The following ZMYND12 variants were observed in gnomAD, a reference collection of about 807,000 sequenced individuals.
ZMYND12 encodes zinc finger MYND domain-containing protein 12.
ZMYND12 carries 32 observed loss-of-function variants against 41.7 expected under a neutral mutation model. The observed-to-expected ratio is 0.77, with a 90% CI of 0.58 to 1.03. The LOEUF (loss-of-function observed/expected upper bound fraction) is 1.03, where lower values mean the gene tolerates loss of function less well. ZMYND12 is among the 50% of genes least tolerant of loss of function. The pLI is 0.00. For synonymous variants in ZMYND12, 148 were observed against 164.8 expected, an observed-to-expected ratio of 0.90 and a Z score of 0.78; for missense variants, 424 against 438.5, an observed-to-expected ratio of 0.97 and a Z score of 0.30.
At chr1:42,450,873 A>G (rs12037012) in intron 1 of ZMYND12, among the ~76,000 whole-genome samples, 51,898 of 151,996 alleles carry the variant, frequency 0.34, 9,411 homozygotes, top group East Asian at 0.59. Flanking sequence ...TTATTTCTAC[A>G]TATTTGTAAA....
intron 1 of ZMYND12, among the ~76,000 whole-genome samples, chr1:42,452,001 C>G (rs1643088019): frequency 1.3e-5 from 2 of 152,168 alleles, no homozygotes; most frequent in South Asian, 4.2e-4. Flanking sequence ...TGCTTTCAAT[C>G]AGGGCTCACA....
intron 1 of ZMYND12, among the ~76,000 whole-genome samples, chr1:42,453,812 T>C (rs1316703283): frequency 6.6e-6 from 1 of 152,218 alleles, no homozygotes; most frequent in Admixed American, 6.5e-5. Flanking sequence ...CCCGTCATCT[T>C]TTCCCCGTGT....
In ZMYND12 at chr1:42,430,652, A is replaced by T. The variant is rs1570343402; in HGVS notation, c.*84T>A. 6 of 1,564,438 alleles carry T rather than the reference A, an allele frequency of 3.8e-6. No individual in the cohort carries two copies. In the East Asian group the frequency reaches 9.0e-5, roughly 24 times the overall value. Reference sequence around the variant, plus strand: ...GGTGGAAACTTCAGCAGTCTACAGTACCTCAAAGCAGTTGTGCAAGGCTGG... The same window carrying T: ...GGTGGAAACTTCAGCAGTCTACAGTTCCTCAAAGCAGTTGTGCAAGGCTGG... On this transcript the variant is annotated 3_prime_UTR_variant, in exon 8 of 8. Transcript: ENST00000372565.
intron 4 of ZMYND12, among the ~76,000 whole-genome samples, chr1:42,437,938 A>G (rs1468652090): frequency 6.6e-6 from 1 of 152,110 alleles, no homozygotes; most frequent in African/African-American, 2.4e-5. Flanking sequence ...GGCCTCCCAG[A>G]GTGCTGGGAT....
chr1:42,443,976 C>A (rs989147920), intron 3 of ZMYND12, among the ~76,000 whole-genome samples: 1 of 152,168 alleles, frequency 6.6e-6, no homozygotes, highest in Non-Finnish European at 1.5e-5. Context: ...AATCCTCCCA[C>A]CTCAGTCTCC....
rs574554438 is a variant in ZMYND12 at position 42,430,963 on chromosome 1, C to A, written c.976-105G>T. 17 of 1,447,066 alleles carry A rather than the reference C, an allele frequency of 1.2e-5. No homozygotes were observed. In the South Asian group the frequency reaches 1.4e-4, roughly 12 times the overall value. 89.6% of individuals were successfully genotyped at this position (1,447,066 alleles called of 1,614,324 possible). A position where few individuals can be genotyped will look rare whatever the true frequency, so the allele number is the denominator to read the frequency against. ...AGAAACATGAGAGAGAACTGACCACCTTTTCACACCACCCACTGAGCTCTT... is the reference window on the plus strand; with the variant it reads ...AGAAACATGAGAGAGAACTGACCACATTTTCACACCACCCACTGAGCTCTT... On this transcript the variant is annotated intron_variant, in intron 7 of 7. Coordinates refer to ENST00000372565, the MANE Select transcript of ZMYND12 (RefSeq NM_032257.5).
chr1:42,448,245 G>A (rs1643044498), intron 3 of ZMYND12, among the ~76,000 whole-genome samples: 1 of 152,198 alleles, frequency 6.6e-6, no homozygotes, highest in Admixed American at 6.5e-5. Flanking sequence ...CCCGCACAAA[G>A]TTCCTCCTTT....
chr1:42,455,921 C>T lies in ZMYND12; in HGVS notation c.77G>A (p.Arg26Gln), dbSNP rs367661673. ...CCEVCEAPAE[R>Q]VCAACTVTYY... is the part of the protein sequence containing the mutation. The stretch of plus-strand genomic sequence containing the variant: ...AGTGACTGTGCAGGCCGCGCACACC[C>T]GCTCGGCTGGGGCTTCGCACACCTC... The change falls in exon 1 of 8, where the codon CGG (arginine) becomes CAG (glutamine). Residue 26 changes from arginine (R) to glutamine (Q), a missense_variant. Arg to Gln is a conservative substitution (Grantham distance 43). Transcript: ENST00000372565. 1.3e-5 allele frequency: 21 copies of T among 1,613,674 alleles called. No homozygotes were observed. The highest frequency in any genetic ancestry group is 2.7e-5 in the African/African-American group (2 of 74,928).
Position 42,430,747 on chromosome 1 carries a change from G to A in ZMYND12, c.1087C>T (p.Pro363Ser). The A allele has an allele frequency of 1.2e-6, 2 of 1,614,158 alleles. No individual in the cohort carries two copies. Among genetic ancestry groups the A allele is most frequent in the Non-Finnish European group, 1.7e-6 (2 of 1,180,010 alleles). ...GAGCTCATGGGTCACTAAGTAATGGGATGGTCTTCAGTTGAAATGAGACTT... is the reference window on the plus strand; with the variant it reads ...GAGCTCATGGGTCACTAAGTAATGGAATGGTCTTCAGTTGAAATGAGACTT... ...LLSLISTEDH[P>S]IT Residue 363 changes from proline (P) to serine (S), a missense_variant, in exon 8 of 8, where the codon CCC becomes TCC. Transcript: ENST00000372565.
chr1:42,445,646 C>G (rs889470772), intron 3 of ZMYND12, among the ~76,000 whole-genome samples: 1 of 151,722 alleles, frequency 6.6e-6, no homozygotes, highest in Non-Finnish European at 1.5e-5. Flanking sequence ...GAAGGCCGGT[C>G]GGTGTAACTG....
chr1:42,454,735 C>T (rs1643130678), intron 1 of ZMYND12, among the ~76,000 whole-genome samples: 1 of 148,878 alleles, frequency 6.7e-6, no homozygotes, highest in African/African-American at 2.5e-5. Flanking sequence ...CACAGTTTCA[C>T]TCTTGTTGCC....
In ZMYND12 at chr1:42,453,137, AGTTTT is replaced by A. The variant is rs1018478811; in HGVS notation, c.110+2746_110+2750del. 9.8e-5 allele frequency among the ~76,000 whole-genome samples: 15 copies of A among 152,322 alleles called. No homozygotes were observed. In the South Asian group the frequency reaches 3.1e-3, roughly 32 times the overall value. Reference sequence around the variant, plus strand: ...TCAAAACCTATAGAACAACAACCTCAGTTTTGTTTTATCAAAAAATCTTGAAATCT... The same window carrying A: ...TCAAAACCTATAGAACAACAACCTCAGTTTTATCAAAAAATCTTGAAATCT... On this transcript the variant is annotated intron_variant, in intron 1 of 7. Coordinates refer to ENST00000372565, the MANE Select transcript of ZMYND12 (RefSeq NM_032257.5).
At chr1:42,438,749 T>C (rs1236222752) in intron 4 of ZMYND12, among the ~76,000 whole-genome samples, 1 of 152,124 alleles carries the variant, frequency 6.6e-6, no homozygotes, top group Admixed American at 6.5e-5. Flanking sequence ...TAAAATTTAA[T>C]TTACGGGCAT....
At chr1:42,450,719 A>G (rs1460245286) in intron 1 of ZMYND12, among the ~76,000 whole-genome samples, 1 of 152,200 alleles carries the variant, frequency 6.6e-6, no homozygotes, top group Non-Finnish European at 1.5e-5. Context: ...ATAAATTCAT[A>G]TGAGTACTAA....
intron 1 of ZMYND12, among the ~76,000 whole-genome samples, chr1:42,455,369 T>C (rs1643149370): frequency 6.6e-6 from 1 of 152,180 alleles, no homozygotes; most frequent in South Asian, 2.1e-4. Flanking sequence ...GCCTCCCGGG[T>C]TCAAGCGATT....
chr1:42,455,960 C>T lies in ZMYND12; in HGVS notation c.38G>A (p.Arg13His). The change falls in exon 1 of 8, where the codon CGC becomes CAC. Residue 13 changes from arginine (R) to histidine (H), a missense_variant. Physicochemically the swap from Arg to His is conservative, Grantham distance 29 (BLOSUM62 0). Coordinates refer to ENST00000372565, the MANE Select transcript of ZMYND12 (RefSeq NM_032257.5). ...TTCGCACACCTCACAGCAGAGTCTG[C>T]GCCCCTTGGGGACTGCCAGTGGGTA... ...VIYPLAVPKGRRLCCEVCEAP... is the reference protein window; with the variant it reads ...VIYPLAVPKGHRLCCEVCEAP... 1.2e-6 allele frequency: 2 copies of T among 1,613,434 alleles called. No individual in the cohort carries two copies. Among genetic ancestry groups the T allele is most frequent in the Non-Finnish European group, 8.5e-7 (1 of 1,179,970 alleles).
In ZMYND12 at chr1:42,450,004, G is replaced by A; in HGVS notation, c.166C>T (p.Leu56Phe). Residue 56 changes from leucine to phenylalanine, a missense_variant, in exon 2 of 8, where the codon CTC becomes TTC. By Grantham distance (22) the Leu-to-Phe change is conservative. Coordinates refer to ENST00000372565, the MANE Select transcript of ZMYND12 (RefSeq NM_032257.5). ...WDSIHEKICQLLIPLRTSMPF... is the reference protein window; with the variant it reads ...WDSIHEKICQFLIPLRTSMPF... ...ATGGAAGTGCGCAGTGGAATCAAGAGCTGACATATTTTCTCATGGATGCTG... is the reference window on the plus strand; with the variant it reads ...ATGGAAGTGCGCAGTGGAATCAAGAACTGACATATTTTCTCATGGATGCTG... The A allele has an allele frequency of 6.2e-7, 1 of 1,613,974 alleles. No individual in the cohort carries two copies. The highest frequency in any genetic ancestry group is 1.1e-5 in the South Asian group (1 of 91,084).
chr1:42,448,175 C>T (rs755952326), intron 3 of ZMYND12, among the ~76,000 whole-genome samples: 5 of 152,150 alleles, frequency 3.3e-5, no homozygotes, highest in South Asian at 2.1e-4. Context: ...CAAGAGAGAA[C>T]GAAAGGCACT....
At chr1:42,438,844 T>C (rs1241936496) in intron 4 of ZMYND12, among the ~76,000 whole-genome samples, 3 of 152,216 alleles carry the variant, frequency 2.0e-5, no homozygotes, top group Non-Finnish European at 4.4e-5. Flanking sequence ...GCATGGAGAC[T>C]GCAGTCTGAC....
Sources: gnomAD v4.1 joint callset for allele counts (sites outside exome capture counted in the v4.1 genomes callset) on GRCh38, gnomAD v4.1.1 for gene constraint, MANE v1.5 for transcripts, NCBI Gene and HGNC (gene_info 2026-07-23, HGNC 2026-07-21) for gene names.